The following SGCZ variants were observed in gnomAD, a reference collection of about 807,000 sequenced individuals.
SGCZ encodes the protein sarcoglycan zeta, also known as zeta-sarcoglycan.
In SGCZ, 40 loss-of-function variants were observed where a neutral mutation model predicts 41.3. The observed-to-expected ratio is 0.97, with a 90% CI of 0.75 to 1.26. The LOEUF is 1.26. Ranked by LOEUF, SGCZ falls within the 50% of genes most tolerant of loss-of-function variation. The pLI is 0.00. For missense variants in SGCZ, 552 were observed against 369.8 expected (o/e 1.49, Z -4.04); for synonymous variants, 206 against 137.5 (o/e 1.50, Z -3.49).
chr8:14,588,218 C>G (rs531820318), intron 1 of SGCZ, among the ~76,000 whole-genome samples: 1 of 149,806 alleles, frequency 6.7e-6, no homozygotes, highest in African/African-American at 2.4e-5. Flanking sequence ...AAAAAACTGC[C>G]TCATCCATCT....
At chr8:14,279,045 G>T (rs1800332043) in intron 3 of SGCZ, among the ~76,000 whole-genome samples, 1 of 151,968 alleles carries the variant, frequency 6.6e-6, no homozygotes, top group Admixed American at 6.6e-5. Flanking sequence ...AAAATAATGT[G>T]ATAGGAAGAT....
chr8:14,180,487 GCACTAGAA>G (rs1325452607), intron 4 of SGCZ, among the ~76,000 whole-genome samples: 1 of 151,952 alleles, frequency 6.6e-6, no homozygotes, highest in Non-Finnish European at 1.5e-5. Flanking sequence ...CCAACACTGA[GCACTAGAA>G]CAAAATATAG....
intron 1 of SGCZ, among the ~76,000 whole-genome samples, chr8:14,933,092 T>A (rs1218458693): frequency 6.6e-6 from 1 of 151,948 alleles, no homozygotes; most frequent in Non-Finnish European, 1.5e-5. Flanking sequence ...AAAACTGTTT[T>A]TCAACACAGT....
intron 1 of SGCZ, among the ~76,000 whole-genome samples, chr8:14,579,444 A>AT (rs909621620): frequency 3.3e-5 from 5 of 152,158 alleles, no homozygotes; most frequent in Middle Eastern, 3.4e-3. Flanking sequence ...TATCTTGTAC[A>AT]TTTTTTCTGA....
chr8:14,624,526 A>G (rs1355490003), intron 1 of SGCZ, among the ~76,000 whole-genome samples: 2 of 148,134 alleles, frequency 1.4e-5, no homozygotes, highest in African/African-American at 4.9e-5. Context: ...AAAGAAACAT[A>G]AATATCACTC....
chr8:14,621,672 G>T lies in SGCZ; in HGVS notation c.40-66746C>A, dbSNP rs533286261. ...GAGCAAGAGACTGAGAGAGAGTGAAGTGGGGAAGTGCTACACTTTTACACC... is the reference window on the plus strand; with the variant it reads ...GAGCAAGAGACTGAGAGAGAGTGAATTGGGGAAGTGCTACACTTTTACACC... On this transcript the variant is annotated intron_variant, in intron 1 of 7. Coordinates refer to ENST00000382080, the MANE Select transcript of SGCZ (RefSeq NM_139167.4). 1.4e-4 allele frequency among the ~76,000 whole-genome samples: 21 copies of T among 152,040 alleles called. No individual in the cohort carries two copies. The South Asian group carries it at 4.4e-3, about 32-fold the overall frequency.
chr8:14,276,329 T>C (rs562277476), intron 3 of SGCZ, among the ~76,000 whole-genome samples: 1 of 152,164 alleles, frequency 6.6e-6, no homozygotes, highest in Non-Finnish European at 1.5e-5. Context: ...AGGGATCTTA[T>C]AGCATTCATT....
At chr8:14,263,727 G>GT (rs765089974) in intron 3 of SGCZ, among the ~76,000 whole-genome samples, 3 of 151,968 alleles carry the variant, frequency 2.0e-5, no homozygotes, top group Non-Finnish European at 4.4e-5. Context: ...AAAATACCAG[G>GT]TGAGAGGTCA....
At chr8:14,230,468 G>A (rs1178490622) in intron 4 of SGCZ, among the ~76,000 whole-genome samples, 2 of 152,046 alleles carry the variant, frequency 1.3e-5, no homozygotes, top group East Asian at 1.9e-4. Context: ...AACCTGGAAC[G>A]GATGCCTGGA....
intron 1 of SGCZ, among the ~76,000 whole-genome samples, chr8:14,917,638 T>C (rs1285569094): frequency 1.3e-5 from 2 of 152,188 alleles, no homozygotes; most frequent in Admixed American, 1.3e-4. Context: ...CTCTGATCTA[T>C]GTTAATAGAT....
At chr8:14,595,440 CA>C in intron 1 of SGCZ, among the ~76,000 whole-genome samples, 1 of 149,452 alleles carries the variant, frequency 6.7e-6, no homozygotes, top group East Asian at 2.1e-4. Flanking sequence ...CACACACACA[CA>C]CCATGTACTG....
intron 1 of SGCZ, among the ~76,000 whole-genome samples, chr8:15,060,436 G>A (rs574355931): frequency 2.8e-5 from 4 of 144,210 alleles, no homozygotes; most frequent in African/African-American, 7.7e-5. Flanking sequence ...ACCAAACACC[G>A]CACGTTCTCA....
intron 2 of SGCZ, among the ~76,000 whole-genome samples, chr8:14,408,555 A>G (rs989371395): frequency 6.6e-6 from 1 of 152,108 alleles, no homozygotes; most frequent in East Asian, 1.9e-4. Context: ...TTAGGTCGCA[A>G]TTCTTTTCCA....
chr8:14,134,109 G>C (rs1337293942), intron 5 of SGCZ, among the ~76,000 whole-genome samples: 1 of 152,098 alleles, frequency 6.6e-6, no homozygotes, highest in Non-Finnish European at 1.5e-5. Flanking sequence ...TGTTATACGA[G>C]CATAACAATT....
chr8:14,129,073 A>G (rs1222551008), intron 5 of SGCZ, among the ~76,000 whole-genome samples: 1 of 152,038 alleles, frequency 6.6e-6, no homozygotes, highest in Admixed American at 6.6e-5. Flanking sequence ...TGGGTCGGGC[A>G]TGGTGGCTCA....
At chr8:14,442,639 T>A (rs1800305391) in intron 2 of SGCZ, among the ~76,000 whole-genome samples, 1 of 152,204 alleles carries the variant, frequency 6.6e-6, no homozygotes, top group African/African-American at 2.4e-5. Flanking sequence ...ATAGAGTTGA[T>A]ACTTTCTGCT....
At chr8:14,417,183 T>C (rs1799516533) in intron 2 of SGCZ, among the ~76,000 whole-genome samples, 3 of 151,806 alleles carry the variant, frequency 2.0e-5, no homozygotes, top group Admixed American at 1.3e-4. Context: ...AAAGTAATTG[T>C]AACATGGAAG....
chr8:14,798,058 A>T (rs1801196541), intron 1 of SGCZ, among the ~76,000 whole-genome samples: 1 of 152,238 alleles, frequency 6.6e-6, no homozygotes, highest in Non-Finnish European at 1.5e-5. Context: ...CAGTGCAGAA[A>T]GGAAATGTTG....
chr8:15,078,342 A>G (rs567791477), intron 1 of SGCZ, among the ~76,000 whole-genome samples: 94 of 151,394 alleles, frequency 6.2e-4, no homozygotes, highest in African/African-American at 2.3e-3. Context: ...TAAGAAACCT[A>G]AGAGTCACTC....
Sources: allele counts gnomAD v4.1 joint callset (sites outside exome capture counted in the v4.1 genomes callset), GRCh38; gene constraint gnomAD v4.1.1; transcripts MANE v1.5; gene names NCBI Gene and HGNC (gene_info 2026-07-23, HGNC 2026-07-21).